TAF4: variants seen among roughly 807,000 people sequenced by gnomAD.
The protein encoded by TAF4 is TATA-box binding protein associated factor 4.
A neutral mutation model predicts 90.3 loss-of-function variants in TAF4; 9 were observed. The observed-to-expected ratio is 0.10, with a 90% CI of 0.06 to 0.17. The LOEUF (loss-of-function observed/expected upper bound fraction) is 0.17. Among genes scored for constraint, TAF4 ranks in the 10% least tolerant of loss-of-function variants. The pLI, the probability that TAF4 is intolerant of heterozygous loss-of-function variation, is 1.00. For synonymous variants in TAF4, 818 were observed against 638.9 expected (o/e 1.28, Z -4.23); for missense variants, 1,351 against 1,370.7 (o/e 0.99, Z 0.23).
intron 1 of TAF4, among the ~76,000 whole-genome samples, chr20:62,061,752 T>TA (rs1568945612): frequency 6.6e-6 from 1 of 152,248 alleles, no homozygotes; most frequent in East Asian, 1.9e-4. Context: ...ACAATCTCAC[T>TA]AAAGACTGAG....
chr20:62,013,193 G>A (rs777064454), intron 2 of TAF4, among the ~76,000 whole-genome samples: 1 of 152,196 alleles, frequency 6.6e-6, no homozygotes, highest in East Asian at 1.9e-4. Context: ...TCTGAAGAAC[G>A]CAGGTATCTA....
rs6142915 is a variant in TAF4, at chr20:61,998,412, T to C, written c.2914-220A>G. 3.3e-5 allele frequency among the ~76,000 whole-genome samples: 5 copies of C among 152,228 alleles called. No individual in the cohort carries two copies. The South Asian group carries it at 8.3e-4, about 25-fold the overall frequency. On this transcript the variant is annotated intron_variant, in intron 12 of 14. Coordinates refer to ENST00000252996, the MANE Select transcript of TAF4 (RefSeq NM_003185.4). ...AAGTCAGTAACATTTGGATGTAAGA[T>C]ACAGTCTTTGAAACACATCTACCAA...
At position 62,035,143 on chromosome 20, in the gene TAF4, T is replaced by C. The variant is rs956142970; in HGVS notation, c.1361-20436A>G. On this transcript the variant is annotated intron_variant, in intron 1 of 14. Coordinates refer to ENST00000252996, the MANE Select transcript of TAF4 (RefSeq NM_003185.4). ...CCCATAGATTTCAGTTCTCCCAAAATTGACCCACAGATTGATACAACTTCA... is the reference window on the plus strand; with the variant it reads ...CCCATAGATTTCAGTTCTCCCAAAACTGACCCACAGATTGATACAACTTCA... Among the ~76,000 whole-genome samples the C allele has an allele frequency of 4.6e-5, 7 of 152,146 alleles. No individual in the cohort carries two copies. In the South Asian group the frequency reaches 8.3e-4, roughly 18 times the overall value.
intron 1 of TAF4, among the ~76,000 whole-genome samples, chr20:62,062,632 G>A (rs1016668026): frequency 6.6e-6 from 1 of 152,168 alleles, no homozygotes; most frequent in South Asian, 2.1e-4. Flanking sequence ...TCCTACAGTT[G>A]TTTTTCAAGT....
intron 1 of TAF4, among the ~76,000 whole-genome samples, chr20:62,029,024 G>A (rs1395831333): frequency 2.0e-5 from 3 of 151,964 alleles, no homozygotes; most frequent in Non-Finnish European, 2.9e-5. Flanking sequence ...GTGAAAACCC[G>A]TCTCCACTAA....
intron 7 of TAF4, chr20:62,005,842 G>C (rs1294412750): frequency 2.0e-5 from 3 of 152,202 alleles, no homozygotes; most frequent in Non-Finnish European, 4.4e-5. Context: ...CCATTTTGTT[G>C]TTTAAGCTGT....
chr20:62,034,021 G>A (rs186018625), intron 1 of TAF4, among the ~76,000 whole-genome samples: 8 of 149,764 alleles, frequency 5.3e-5, no homozygotes, highest in South Asian at 2.1e-4. Context: ...CAGCCTGGGC[G>A]ACAGAGCAAG....
chr20:62,026,037 T>C (rs2055872540), intron 1 of TAF4, among the ~76,000 whole-genome samples: 1 of 152,128 alleles, frequency 6.6e-6, no homozygotes, highest in South Asian at 2.1e-4. Flanking sequence ...CAGAGAGCCC[T>C]TAGAGAGCAA....
intron 14 of TAF4, 53 bp from the exon 15 acceptor site, chr20:61,976,388 T>C: frequency 6.3e-7 from 1 of 1,595,368 alleles, no homozygotes; most frequent in Non-Finnish European, 8.6e-7. Context: ...GAGTGGGGCT[T>C]GCAATGAGCC....
chr20:62,062,636 T>G (rs898186039), intron 1 of TAF4, among the ~76,000 whole-genome samples: 11 of 152,216 alleles, frequency 7.2e-5, no homozygotes, highest in Non-Finnish European at 1.2e-4. Flanking sequence ...ACAGTTGTTT[T>G]TCAAGTTGTC....
intron 1 of TAF4, among the ~76,000 whole-genome samples, chr20:62,024,072 C>T (rs1265850028): frequency 6.6e-6 from 1 of 151,962 alleles, no homozygotes; most frequent in Non-Finnish European, 1.5e-5. Context: ...AGTGAGATCC[C>T]CGTCTAAAAA....
chr20:61,981,672 G>T (rs1316334521), intron 14 of TAF4, among the ~76,000 whole-genome samples: 1 of 152,086 alleles, frequency 6.6e-6, no homozygotes, highest in African/African-American at 2.4e-5. Context: ...GGGCAAATGA[G>T]AGCTGGGCGA....
intron 14 of TAF4, among the ~76,000 whole-genome samples, chr20:61,987,112 C>G (rs536822520): frequency 6.6e-6 from 1 of 152,228 alleles, no homozygotes; most frequent in Non-Finnish European, 1.5e-5. Context: ...GGCGACACCA[C>G]CTGCCTCCCA....
At chr20:62,056,122 A>T (rs761211915) in intron 1 of TAF4, among the ~76,000 whole-genome samples, 2 of 152,166 alleles carry the variant, frequency 1.3e-5, no homozygotes, top group Non-Finnish European at 2.9e-5. Flanking sequence ...CTGTATTCCC[A>T]GCTGCTCGGG....
intron 1 of TAF4, among the ~76,000 whole-genome samples, chr20:62,018,198 C>T (rs949773709): frequency 6.6e-6 from 1 of 152,212 alleles, no homozygotes; most frequent in South Asian, 2.1e-4. Context: ...ACATAAGAGG[C>T]GCTGTCACTG....
At chr20:62,062,003 T>G (rs968924923) in intron 1 of TAF4, among the ~76,000 whole-genome samples, 2 of 152,118 alleles carry the variant, frequency 1.3e-5, no homozygotes, top group East Asian at 1.9e-4. Flanking sequence ...ACCCAAGACC[T>G]CCACGGAGGG....
intron 1 of TAF4, among the ~76,000 whole-genome samples, chr20:62,038,458 C>G (rs1322349220): frequency 6.6e-6 from 1 of 151,858 alleles, no homozygotes; most frequent in African/African-American, 2.4e-5. Context: ...ACTGAGCCAC[C>G]GAGCCACTGA....
At chr20:62,047,666 C>T (rs889451322) in intron 1 of TAF4, among the ~76,000 whole-genome samples, 4 of 152,184 alleles carry the variant, frequency 2.6e-5, no homozygotes, top group African/African-American at 9.7e-5. Flanking sequence ...GAAACGGTGG[C>T]GGAAGATGCT....
rs184749467 is a variant in TAF4 at position 62,019,812 on chromosome 20, T to C, written c.1361-5105A>G. ...CTGATTCCTTTTGTAGGTAACACTT[T>C]TACTGTACTTGAAGCCAAAATGTAG... On this transcript the variant is annotated intron_variant, in intron 1 of 14. Coordinates refer to ENST00000252996, the MANE Select transcript of TAF4 (RefSeq NM_003185.4). Among the ~76,000 whole-genome samples, 159 of 152,364 alleles carry C rather than the reference T, an allele frequency of 1.0e-3. 3 individuals are homozygous for C. The highest frequency in any genetic ancestry group is 1.7e-3 in the Non-Finnish European group (119 of 68,030).
Sources: allele counts gnomAD v4.1 joint callset (sites outside exome capture counted in the v4.1 genomes callset), GRCh38; gene constraint gnomAD v4.1.1; transcripts MANE v1.5; gene names NCBI Gene and HGNC (gene_info 2026-07-23, HGNC 2026-07-21).